Variants in SAMMSON observed in about 807,000 individuals in gnomAD.
SAMMSON encodes the protein survival associated mitochondrial melanoma specific oncogenic non-coding RNA.
At chr3:70,407,780 G>A (rs1701187733) in intron 2 of SAMMSON, among the ~76,000 whole-genome samples, 1 of 152,314 alleles carries the variant, frequency 6.6e-6, no homozygotes, top group Middle Eastern at 3.4e-3. Context: ...GAGGATGGTG[G>A]CCGTCTTCTC....
chr3:70,426,721 A>G (rs1210896989), intron 2 of SAMMSON, among the ~76,000 whole-genome samples: 1 of 152,226 alleles, frequency 6.6e-6, no homozygotes, highest in Non-Finnish European at 1.5e-5. Flanking sequence ...ACACTGTCAC[A>G]AGATAGTGGA....
intron 4 of SAMMSON, among the ~76,000 whole-genome samples, chr3:70,194,989 G>C (rs1245834329): frequency 6.6e-6 from 1 of 152,088 alleles, no homozygotes; most frequent in Non-Finnish European, 1.5e-5. Flanking sequence ...TAGTGTTTTA[G>C]TATTTTAACA....
chr3:70,066,735 G>A (rs1349958704), intron 3 of SAMMSON, among the ~76,000 whole-genome samples: 1 of 152,086 alleles, frequency 6.6e-6, no homozygotes, highest in African/African-American at 2.4e-5. Context: ...ATTAATCTGA[G>A]TGGACATGTT....
chr3:70,279,461 C>T (rs1367236477), intron 6 of SAMMSON, among the ~76,000 whole-genome samples: 3 of 152,088 alleles, frequency 2.0e-5, no homozygotes, highest in African/African-American at 7.2e-5. Context: ...TTGTCATTTT[C>T]TCTTCATCCC....
chr3:70,301,342 T>C (rs574757177), intron 7 of SAMMSON, among the ~76,000 whole-genome samples: 1 of 152,256 alleles, frequency 6.6e-6, no homozygotes, highest in East Asian at 1.9e-4. Context: ...GATTTCATAC[T>C]GCAAAATTCC....
chr3:70,135,381 ATTAGCTTC>A (rs1292211619), intron 4 of SAMMSON, among the ~76,000 whole-genome samples: 1 of 152,160 alleles, frequency 6.6e-6, no homozygotes, highest in African/African-American at 2.4e-5. Context: ...CCTATTCACA[ATTAGCTTC>A]TTATAGCCTC....
At chr3:70,243,049 C>A (rs1701677067) in intron 4 of SAMMSON, among the ~76,000 whole-genome samples, 1 of 152,104 alleles carries the variant, frequency 6.6e-6, no homozygotes, top group African/African-American at 2.4e-5. Flanking sequence ...TCTGGTTATT[C>A]TTTTTAGGAG....
rs1001714271 is a variant in SAMMSON at position 70,223,542 on chromosome 3, G to A, written n.508-25565G>A. 4.6e-5 allele frequency among the ~76,000 whole-genome samples: 7 copies of A among 152,100 alleles called. 1 individual carries two copies. The highest frequency in any genetic ancestry group is 4.6e-4 in the Admixed American group (7 of 15,252). ...TAGCGCAGTGCCTCAATTTGGAAAG[G>A]CTGAGGTTGTCTCCCCCACCAAAAA... On this transcript the variant is annotated intron_variant and non_coding_transcript_variant, in intron 4 of 9. Coordinates refer to ENST00000642114, the Ensembl canonical transcript of SAMMSON.
At chr3:70,397,876 A>G (rs1701105325) in intron 2 of SAMMSON, among the ~76,000 whole-genome samples, 1 of 152,202 alleles carries the variant, frequency 6.6e-6, no homozygotes, top group Non-Finnish European at 1.5e-5. Context: ...CTTTATTTGT[A>G]CATTTTATTA....
chr3:70,385,703 A>G (rs939764222), intron 9 of SAMMSON, among the ~76,000 whole-genome samples: 1 of 152,064 alleles, frequency 6.6e-6, no homozygotes, highest in African/African-American at 2.4e-5. Flanking sequence ...TCAGACTCAG[A>G]GTCCCTTCAT....
At chr3:70,219,147 C>G (rs1457787864) in intron 4 of SAMMSON, among the ~76,000 whole-genome samples, 3 of 152,184 alleles carry the variant, frequency 2.0e-5, no homozygotes, top group Non-Finnish European at 2.9e-5. Flanking sequence ...GAAACAGCCT[C>G]TCCTAGCTTT....
rs1429374905 is a variant in SAMMSON, at chr3:70,241,751, G to A, written n.508-7356G>A. Among the ~76,000 whole-genome samples, 4 of 152,200 alleles carry A rather than the reference G, an allele frequency of 2.6e-5. No individual in the cohort carries two copies. In the East Asian group the frequency reaches 7.7e-4, roughly 29 times the overall value. On this transcript the variant is annotated intron_variant and non_coding_transcript_variant, in intron 4 of 9. Transcript: ENST00000642114. ...AAGGCGTCTAATGTCTCACACACAT[G>A]AGTCCATTTAATCCTTCCTAAAAAC...
intron 3 of SAMMSON, among the ~76,000 whole-genome samples, chr3:70,037,699 T>G (rs1357378329): frequency 2.0e-5 from 3 of 152,210 alleles, no homozygotes; most frequent in Non-Finnish European, 4.4e-5. Flanking sequence ...TCACTCATCA[T>G]TCTTGCACCT....
chr3:70,126,240 A>G (rs2067457980), intron 4 of SAMMSON: 3 of 1,026,646 alleles, frequency 2.9e-6, no homozygotes, highest in Non-Finnish European at 2.9e-6. Context: ...ATCGTCTTCA[A>G]CAGGGTCATC....
At chr3:70,394,195 C>T (rs1160811527), downstream of SAMMSON, among the ~76,000 whole-genome samples, 3 of 152,096 alleles carry the variant, frequency 2.0e-5, no homozygotes, top group African/African-American at 4.8e-5. Context: ...GTTTTGCTAC[C>T]GATAGAAGAG....
intron 4 of SAMMSON, chr3:70,172,230 C>T (rs1700963059): frequency 6.7e-6 from 1 of 150,356 alleles, no homozygotes; most frequent in South Asian, 2.1e-4. Flanking sequence ...GTTATTGGAA[C>T]AGATTTTCCC....
chr3:70,245,596 G>A (rs1264356036), intron 4 of SAMMSON, among the ~76,000 whole-genome samples: 1 of 144,040 alleles, frequency 6.9e-6, no homozygotes, highest in East Asian at 2.1e-4. Flanking sequence ...CGAGATTATA[G>A]TAAAAAATAA....
chr3:70,030,769 G>A (rs937016340), intron 3 of SAMMSON: 1 of 152,106 alleles, frequency 6.6e-6, no homozygotes, highest in African/African-American at 2.4e-5. Flanking sequence ...TATACAGATG[G>A]CCAGTACACA....
chr3:70,322,720 A>T (rs181652004), intron 7 of SAMMSON, among the ~76,000 whole-genome samples: 1 of 152,262 alleles, frequency 6.6e-6, no homozygotes, highest in African/African-American at 2.4e-5. Flanking sequence ...ATGTCTTTGT[A>T]TCCTTTAAAG....
Sources: gnomAD v4.1 joint callset for allele counts (sites outside exome capture counted in the v4.1 genomes callset) on GRCh38, gnomAD v4.1.1 for gene constraint, MANE v1.5 for transcripts, NCBI Gene and HGNC (gene_info 2026-07-23, HGNC 2026-07-21) for gene names.